TMEM63B: variants seen among roughly 807,000 people sequenced by gnomAD.
The protein encoded by TMEM63B is transmembrane protein 63B.
Under a neutral mutation model 102.6 loss-of-function variants are expected in TMEM63B, and 23 were observed. That is an observed-to-expected ratio of 0.22 (90% CI 0.16 to 0.32). TMEM63B has a LOEUF of 0.32. Among genes scored for constraint, TMEM63B ranks in the 10% least tolerant of loss-of-function variants. TMEM63B has a pLI of 1.00. For synonymous variants in TMEM63B, 444 were observed against 437.0 expected (o/e 1.02, Z -0.20); for missense variants, 628 against 1,095.9 (o/e 0.57, Z 6.03).
intron 10 of TMEM63B, among the ~76,000 whole-genome samples, chr6:44,145,274 CAAAA>C (rs34315211): frequency 2.8e-5 from 3 of 105,748 alleles, no homozygotes; most frequent in Non-Finnish European, 1.9e-5. Context: ...GACTCCGCCT[CAAAA>C]AAAAAAAAAA....
In TMEM63B at chr6:44,148,951, G is replaced by A; in HGVS notation, c.1413+6G>A. On this transcript the variant is annotated splice_donor_region_variant and intron_variant, in intron 15 of 23. Coordinates refer to ENST00000323267, the MANE Select transcript of TMEM63B (RefSeq NM_018426.3). This position sits in a 1 kb window ranked among gnomAD's most constrained non-coding sequence, Gnocchi z 5.1. ...AGCCTGTGGAGTACCTCAACGTGAG[G>A]CCTCATGCCCCTGTCACTTTCCACG... The A allele has an allele frequency of 6.2e-7, 1 of 1,613,992 alleles. No homozygotes were observed. Among genetic ancestry groups the A allele is most frequent in the Non-Finnish European group, 8.5e-7 (1 of 1,179,990 alleles).
chr6:44,147,344 A>C (rs1561817098), intron 11 of TMEM63B, 33 bp from the exon 12 acceptor site: 1 of 1,613,992 alleles, frequency 6.2e-7, no homozygotes, highest in Non-Finnish European at 8.5e-7. Flanking sequence ...CCCCAGCCCC[A>C]GATGTAGGTG....
At chr6:44,140,008 C>G (rs954998762) in intron 8 of TMEM63B, among the ~76,000 whole-genome samples, 5 of 152,122 alleles carry the variant, frequency 3.3e-5, no homozygotes, top group African/African-American at 9.7e-5. Context: ...CAGTTGGAGA[C>G]ACTGTAACCA....
Position 44,135,019 on chromosome 6 carries a change from A to G in TMEM63B, c.162A>G (p.Ala54=), listed in dbSNP as rs766985800. ...CCAACTGCCCCCTCTTCCCTCAGGC[A>G]CTGCTGTTCTTATTCTCTATCCTCC... ...VLALDFMCFL[A]LLFLFSILRK... is the part of the protein sequence containing the mutation. The change falls in exon 3 of 24, where the codon GCA becomes GCG. Residue 54 remains alanine (A), a splice_region_variant and synonymous_variant. Coordinates refer to ENST00000323267, the MANE Select transcript of TMEM63B (RefSeq NM_018426.3). The G allele has an allele frequency of 1.2e-6, 2 of 1,614,196 alleles. No individual in the cohort carries two copies. The highest frequency in any genetic ancestry group is 4.5e-5 in the East Asian group (2 of 44,884).
chr6:44,155,035 TC>T lies in TMEM63B; in HGVS notation c.*157del, dbSNP rs3832439. The T allele has an allele frequency of 2.9e-6, 2 of 691,362 alleles. No homozygotes were observed. The highest frequency in any genetic ancestry group is 6.5e-5 in the South Asian group (2 of 30,572). The allele number at this position is 691,362 out of a possible 1,614,324, so 42.8% of individuals were successfully genotyped here. On this transcript the variant is annotated 3_prime_UTR_variant, in exon 24 of 24. Transcript: ENST00000323267. Reference sequence around the variant, plus strand: ...TTTAAACTTGGGGGTTTCACTGCTCTCCCCCATGATGGAGGGAGGGAGCCCC... The same window carrying T: ...TTTAAACTTGGGGGTTTCACTGCTCTCCCCATGATGGAGGGAGGGAGCCCC...
Position 44,148,347 on chromosome 6 carries a change from G to A in TMEM63B, c.1083G>A (p.Met361Ile). Residue 361 changes from methionine (M) to isoleucine (I), a missense_variant, in exon 13 of 24, where the codon ATG becomes ATA. By Grantham distance (10) the Met-to-Ile change is conservative. This residue lies in a region of TMEM63B where 336 missense variants were observed against 580.3 expected (regional missense o/e 0.58). Coordinates refer to ENST00000323267, the MANE Select transcript of TMEM63B (RefSeq NM_018426.3). This position sits in a 1 kb window ranked among gnomAD's most constrained non-coding sequence, Gnocchi z 5.1. ...KEKVNEKPLG[M>I]AFVTFHNETI... The stretch of plus-strand genomic sequence containing the variant: ...AGGTGAATGAGAAGCCTCTTGGCAT[G>A]GCCTTTGTCACCTTCCACAATGAGA... The A allele has an allele frequency of 1.2e-6, 2 of 1,614,260 alleles. No homozygotes were observed. Among genetic ancestry groups the A allele is most frequent in the Non-Finnish European group, 1.7e-6 (2 of 1,180,044 alleles).
In TMEM63B at chr6:44,140,322, A is replaced by C; in HGVS notation, c.673A>C (p.Arg225=). The C allele has an allele frequency of 6.2e-7, 1 of 1,614,012 alleles. No homozygotes were observed. The highest frequency in any genetic ancestry group is 8.5e-7 in the Non-Finnish European group (1 of 1,179,976). Residue 225 remains arginine, a synonymous_variant, in exon 9 of 24, where the codon AGA becomes CGA. Transcript: ENST00000323267. The stretch of plus-strand genomic sequence containing the variant: ...GCTGCTCACCGTCTACAGCATGCGT[A>C]GACACACCTCCAAGATGCGCTACAA... ...YLLLTVYSMR[R]HTSKMRYKED... is the part of the protein sequence containing the mutation.
At chr6:44,146,709 C>A (rs1324133238) in intron 10 of TMEM63B, 138 bp from the exon 11 acceptor site, 2 of 877,384 alleles carry the variant, frequency 2.3e-6, no homozygotes, top group African/African-American at 1.6e-5. Context: ...CTTCGGCCCC[C>A]CAAAGTGCTG....
At chr6:44,134,426 A>G in intron 1 of TMEM63B, 135 bp from the exon 2 acceptor site, 2 of 868,902 alleles carry the variant, frequency 2.3e-6, no homozygotes, top group Non-Finnish European at 1.7e-6. Flanking sequence ...CTAGGCCCTT[A>G]TCTCCAGAGG....
At chr6:44,137,501 C>T (rs1763200244) in intron 5 of TMEM63B, among the ~76,000 whole-genome samples, 1 of 152,144 alleles carries the variant, frequency 6.6e-6, no homozygotes, top group South Asian at 2.1e-4. Flanking sequence ...AGATGGTCCC[C>T]AGACTCAGGT....
At position 44,136,362 on chromosome 6, in the gene TMEM63B, A is replaced by C. The variant is rs531946658; in HGVS notation, c.292A>C (p.Met98Leu). 1 of 1,613,910 alleles carries C rather than the reference A, an allele frequency of 6.2e-7. No individual in the cohort carries two copies. Among genetic ancestry groups the C allele is most frequent in the African/African-American group, 1.3e-5 (1 of 74,910 alleles). The change falls in exon 5 of 24, where the codon ATG (methionine) becomes CTG (leucine). Residue 98 changes from methionine to leucine, a missense_variant. This residue lies in a region of TMEM63B where 336 missense variants were observed against 580.3 expected (regional missense o/e 0.58). Transcript: ENST00000323267. ...RVEQEYVASA[M>L]HGDSHDRYER... The stretch of plus-strand genomic sequence containing the variant: ...CCTCACCCCCAGTGTGGCTTCAGCT[A>C]TGCACGGGGACAGCCATGACCGGTA...
chr6:44,134,893 A>C (rs1200392841), intron 2 of TMEM63B, 124 bp from the exon 3 acceptor site: 14 of 1,490,792 alleles, frequency 9.4e-6, no homozygotes, highest in Admixed American at 1.8e-5. Flanking sequence ...CTCGCCTTTG[A>C]CCATTCACCC....
chr6:44,130,749 CT>C (rs34384158), intron 1 of TMEM63B, among the ~76,000 whole-genome samples: 104 of 138,242 alleles, frequency 7.5e-4, no homozygotes, highest in Admixed American at 1.2e-3. Context: ...CCATGCCTGG[CT>C]TTTTTTTTTT....
intron 4 of TMEM63B, among the ~76,000 whole-genome samples, chr6:44,135,607 G>A (rs1469837796): frequency 6.6e-6 from 1 of 152,158 alleles, no homozygotes; most frequent in Admixed American, 6.5e-5. Flanking sequence ...GTCCCTCCCT[G>A]TGTGCCCCTG....
chr6:44,143,067 C>T (rs1202320741), intron 10 of TMEM63B, among the ~76,000 whole-genome samples: 1 of 152,166 alleles, frequency 6.6e-6, no homozygotes, highest in African/African-American at 2.4e-5. Flanking sequence ...TGTCAGTTGG[C>T]CAGAATCAGA....
chr6:44,149,892 C>T lies in TMEM63B; in HGVS notation c.1447C>T (p.Leu483=), dbSNP rs761713603. The change falls in exon 16 of 24, where the codon CTG becomes TTG. Residue 483 remains leucine (L), a synonymous_variant. Transcript: ENST00000323267. ...PIITQFFPTL[L]LWCFSALLPT... ...CATCACCCAGTTCTTCCCCACCCTG[C>T]TGCTGTGGTGCTTCTCGGCCCTCCT... 6 of 1,613,146 alleles carry T rather than the reference C, an allele frequency of 3.7e-6. No homozygotes were observed. In the Admixed American group the frequency reaches 8.3e-5, roughly 22 times the overall value.
rs1261625898 is a variant in TMEM63B, at chr6:44,150,141, C to T, written c.1521-83C>T. The T allele has an allele frequency of 8.2e-6, 12 of 1,464,536 alleles. No individual in the cohort carries two copies. The highest frequency in any genetic ancestry group is 1.8e-5 in the Admixed American group (1 of 56,578). The allele number at this position is 1,464,536 out of a possible 1,614,324, so 90.7% of individuals were successfully genotyped here. A position where few individuals can be genotyped will look rare whatever the true frequency, so the allele number is the denominator to read the frequency against. ...GGCCCACCCTTCCCAGGGGACACTC[C>T]TTGGACATTGTCCTTGTTGGGGGAG... On this transcript the variant is annotated intron_variant, in intron 16 of 23. Transcript: ENST00000323267. This position sits in a 1 kb window ranked among gnomAD's most constrained non-coding sequence, Gnocchi z 4.7.
rs376470724 is a variant in TMEM63B at position 44,136,353 on chromosome 6, G to A, written c.283G>A (p.Ala95Thr). ...TCTCATCTCCCTCACCCCCAGTGTG[G>A]CTTCAGCTATGCACGGGGACAGCCA... The part of the protein sequence containing the change: ...ERDRVEQEYV[A>T]SAMHGDSHDR... The change falls in exon 5 of 24, where the codon GCT (alanine) becomes ACT (threonine). Residue 95 changes from alanine (A) to threonine (T), a missense_variant. Ala to Thr is a moderately conservative substitution (Grantham distance 58, BLOSUM62 0). Transcript: ENST00000323267. 6.2e-7 allele frequency: 1 copy of A among 1,613,956 alleles called. No homozygotes were observed. The highest frequency in any genetic ancestry group is 8.5e-7 in the Non-Finnish European group (1 of 1,179,926).
At chr6:44,139,830 G>A in intron 8 of TMEM63B, 71 bp downstream of exon 8, 1 of 1,594,822 alleles carries the variant, frequency 6.3e-7, no homozygotes, top group Non-Finnish European at 8.6e-7. Flanking sequence ...GGGACAGGGA[G>A]GAAAGGCAGC....
Sources: gnomAD v4.1 joint callset for allele counts (sites outside exome capture counted in the v4.1 genomes callset) on GRCh38, gnomAD v4.1.1 for gene constraint, gnomAD v4.1.1 regional missense constraint, Gnocchi (gnomAD v3.1) non-coding constraint, MANE v1.5 for transcripts, NCBI Gene and HGNC (gene_info 2026-07-23, HGNC 2026-07-21) for gene names.